Variants in PDZRN4 observed in about 807,000 individuals in gnomAD.
PDZRN4 encodes the protein PDZ domain-containing RING finger protein 4.
In PDZRN4, 70 loss-of-function variants were observed where a neutral mutation model predicts 99.0. The ratio of observed to expected loss-of-function variants is 0.71; its 90% CI spans 0.58 to 0.86. PDZRN4 has a LOEUF of 0.86. PDZRN4 is among the 40% of genes least tolerant of loss of function. The probability of loss-of-function intolerance (pLI) is 0.00; values close to 1 mark genes in which losing one functional copy is unlikely to be tolerated. For synonymous variants in PDZRN4, 551 were observed against 501.6 expected (o/e 1.10, Z -1.32); for missense variants, 1,474 against 1,331.2 (o/e 1.11, Z -1.67).
At chr12:41,283,096 T>TC (rs1412290383) in intron 3 of PDZRN4, among the ~76,000 whole-genome samples, 3 of 150,914 alleles carry the variant, frequency 2.0e-5, no homozygotes, top group South Asian at 2.1e-4. Flanking sequence ...GCTGTTTTTT[T>TC]TAAAAGATTA....
At chr12:41,491,749 T>C (rs1340156619) in intron 3 of PDZRN4, among the ~76,000 whole-genome samples, 1 of 151,170 alleles carries the variant, frequency 6.6e-6, no homozygotes, top group African/African-American at 2.4e-5. Flanking sequence ...AAATTACACA[T>C]TATATTATAA....
chr12:41,474,744 A>G (rs1953024268), intron 3 of PDZRN4, among the ~76,000 whole-genome samples: 1 of 152,216 alleles, frequency 6.6e-6, no homozygotes, highest in African/African-American at 2.4e-5. Flanking sequence ...GGCCTGGATT[A>G]GGGCAGAATT....
chr12:41,393,469 C>G (rs1303519810), intron 3 of PDZRN4, among the ~76,000 whole-genome samples: 1 of 150,954 alleles, frequency 6.6e-6, no homozygotes, highest in South Asian at 2.1e-4. Context: ...TTCTTAGGGT[C>G]TTATGAGCTC....
At chr12:41,316,578 A>C (rs1207400685) in intron 3 of PDZRN4, among the ~76,000 whole-genome samples, 5 of 152,112 alleles carry the variant, frequency 3.3e-5, no homozygotes, top group African/African-American at 4.8e-5. Flanking sequence ...CTATGAAAAT[A>C]ATACAAATGT....
rs139771850 is a variant in PDZRN4, at chr12:41,261,531, C to T, written c.843+67343C>T. On this transcript the variant is annotated intron_variant, in intron 3 of 9. Transcript: ENST00000402685. ...TTGAGATGGAGTCTCGCTCTATCGC[C>T]CAGGCTGGAGTGCCGTGGCGCGATC... Among the ~76,000 whole-genome samples, 108 of 152,264 alleles carry T rather than the reference C, an allele frequency of 7.1e-4. 1 individual carries two copies. In the East Asian group the frequency reaches 0.018, roughly 25 times the overall value.
At chr12:41,209,667 G>T (rs942127198) in intron 3 of PDZRN4, among the ~76,000 whole-genome samples, 10 of 151,058 alleles carry the variant, frequency 6.6e-5, no homozygotes, top group African/African-American at 2.4e-4. Context: ...CCCTACAAAG[G>T]ACATGAACTC....
intron 3 of PDZRN4, among the ~76,000 whole-genome samples, chr12:41,291,166 A>C (rs1007205737): frequency 6.6e-6 from 1 of 152,126 alleles, no homozygotes. Context: ...AAAAGATATA[A>C]AAATTTTATT....
At chr12:41,452,307 C>T (rs1383427556) in intron 3 of PDZRN4, among the ~76,000 whole-genome samples, 1 of 150,882 alleles carries the variant, frequency 6.6e-6, no homozygotes. Context: ...GTCGTGGTGG[C>T]GGGTGCCTTT....
chr12:41,214,950 C>T (rs915816856), intron 3 of PDZRN4, among the ~76,000 whole-genome samples: 16 of 152,002 alleles, frequency 1.1e-4, no homozygotes, highest in African/African-American at 3.1e-4. Context: ...AAGTCTAATA[C>T]TCTTATTTTG....
At chr12:41,533,262 C>A (rs996627867) in intron 5 of PDZRN4, among the ~76,000 whole-genome samples, 1 of 151,954 alleles carries the variant, frequency 6.6e-6, no homozygotes, top group African/African-American at 2.4e-5. Context: ...GCAACCTCCC[C>A]CTCCCGGATT....
chr12:41,535,532 TA>T (rs1473616092), intron 5 of PDZRN4, among the ~76,000 whole-genome samples: 2 of 152,326 alleles, frequency 1.3e-5, no homozygotes, highest in Non-Finnish European at 2.9e-5. Context: ...GGCCAAAATG[TA>T]TAATAGGCAA....
chr12:41,224,812 A>G (rs990651891), intron 3 of PDZRN4, among the ~76,000 whole-genome samples: 22 of 152,172 alleles, frequency 1.4e-4, no homozygotes, highest in African/African-American at 5.3e-4. Flanking sequence ...TTCCAATTGC[A>G]CAGATGAGGA....
chr12:41,334,969 T>C lies in PDZRN4; in HGVS notation c.843+140781T>C, dbSNP rs59955144. On this transcript the variant is annotated intron_variant, in intron 3 of 9. Coordinates refer to ENST00000402685, the MANE Select transcript of PDZRN4 (RefSeq NM_001164595.2). ...TCTTTGAAAAGCAGCAGTATGGTTT[T>C]GATGTGCTTTGGAATTCTTATCCTA... 4.6e-3 allele frequency among the ~76,000 whole-genome samples: 697 copies of C among 152,222 alleles called. 22 individuals carry two copies. In the East Asian group the frequency reaches 0.07, roughly 15 times the overall value.
At chr12:41,468,057 G>A (rs918511190) in intron 3 of PDZRN4, among the ~76,000 whole-genome samples, 2 of 152,108 alleles carry the variant, frequency 1.3e-5, no homozygotes, top group Non-Finnish European at 2.9e-5. Context: ...AAACCCCATG[G>A]TCTTACATTT....
intron 3 of PDZRN4, among the ~76,000 whole-genome samples, chr12:41,323,152 A>C (rs935143415): frequency 6.6e-6 from 1 of 152,168 alleles, no homozygotes; most frequent in African/African-American, 2.4e-5. Flanking sequence ...CAGCAGGATA[A>C]AGTTCTCTGC....
chr12:41,518,755 C>A (rs576275502), intron 5 of PDZRN4, among the ~76,000 whole-genome samples: 2 of 151,838 alleles, frequency 1.3e-5, no homozygotes, highest in Non-Finnish European at 2.9e-5. Flanking sequence ...AGTTTGAGAC[C>A]AGTCTGGCCT....
intron 3 of PDZRN4, among the ~76,000 whole-genome samples, chr12:41,382,237 A>G (rs1952133229): frequency 6.6e-6 from 1 of 152,054 alleles, no homozygotes; most frequent in South Asian, 2.1e-4. Flanking sequence ...TTCTTGCTAC[A>G]TTTTCAGGAA....
At chr12:41,432,046 TA>T (rs1952590721) in intron 3 of PDZRN4, among the ~76,000 whole-genome samples, 1 of 152,192 alleles carries the variant, frequency 6.6e-6, no homozygotes, top group Non-Finnish European at 1.5e-5. Flanking sequence ...GAGTGAAAAT[TA>T]GATGATATAC....
At chr12:41,555,198 T>C (rs1385804411) in intron 6 of PDZRN4, among the ~76,000 whole-genome samples, 3 of 123,588 alleles carry the variant, frequency 2.4e-5, no homozygotes, top group African/African-American at 9.5e-5. Context: ...GCCACTGCAC[T>C]CCAGCCTGAG....
Sources: allele counts gnomAD v4.1 joint callset (sites outside exome capture counted in the v4.1 genomes callset), GRCh38; gene constraint gnomAD v4.1.1; transcripts MANE v1.5; gene names NCBI Gene and HGNC (gene_info 2026-07-23, HGNC 2026-07-21).